VTI1A: variants seen among roughly 807,000 people sequenced by gnomAD.
The protein encoded by VTI1A is vesicle transport through interaction with t-SNAREs 1A.
Under a neutral mutation model 34.9 loss-of-function variants are expected in VTI1A, and 22 were observed. That is an observed-to-expected ratio of 0.63 (90% CI 0.45 to 0.90). VTI1A has a LOEUF of 0.90. Ranked by LOEUF, VTI1A falls within the 40% of genes least tolerant of loss-of-function variation. The probability of loss-of-function intolerance (pLI) is 0.00; values close to 1 mark genes in which losing one functional copy is unlikely to be tolerated. For missense variants in VTI1A, 268 were observed against 275.6 expected (o/e 0.97, Z 0.20); for synonymous variants, 87 against 97.3 (o/e 0.89, Z 0.62).
At chr10:112,531,063 T>A (rs75725194) in intron 4 of VTI1A, among the ~76,000 whole-genome samples, 18,743 of 139,814 alleles carry the variant, frequency 0.13, 1,418 homozygotes, top group East Asian at 0.3. Flanking sequence ...GTGACACACC[T>A]CACACACACA....
intron 7 of VTI1A, among the ~76,000 whole-genome samples, chr10:112,721,472 T>G (rs1849805133): frequency 6.6e-6 from 1 of 152,244 alleles, no homozygotes; most frequent in African/African-American, 2.4e-5. Flanking sequence ...AGCATTTGAC[T>G]TACACTTTTA....
chr10:112,797,827 G>A (rs1431008124), intron 7 of VTI1A, among the ~76,000 whole-genome samples: 3 of 152,196 alleles, frequency 2.0e-5, no homozygotes, highest in Admixed American at 6.5e-5. Context: ...AAGAAGTAAC[G>A]GGGAGGCTAG....
chr10:112,681,269 C>G (rs1848207344), intron 7 of VTI1A, among the ~76,000 whole-genome samples: 1 of 151,898 alleles, frequency 6.6e-6, no homozygotes, highest in Non-Finnish European at 1.5e-5. Flanking sequence ...TTCGTAGAGA[C>G]AGGATCTCCT....
chr10:112,736,111 GTATATATATATATATATA>G (rs372188173), intron 7 of VTI1A, among the ~76,000 whole-genome samples: 1 of 116,224 alleles, frequency 8.6e-6, no homozygotes, highest in Admixed American at 8.7e-5. Flanking sequence ...ATGTGTGTGT[GTATATATATATATATATA>G]TATATATATG....
At chr10:112,476,622 T>C (rs1331089436) in intron 3 of VTI1A, among the ~76,000 whole-genome samples, 2 of 152,178 alleles carry the variant, frequency 1.3e-5, no homozygotes, top group South Asian at 2.1e-4. Context: ...TAAGGCTTAC[T>C]TACGTTCTAG....
In VTI1A at chr10:112,527,133, T is replaced by C. The variant is rs184549091; in HGVS notation, c.311T>C (p.Leu104Pro). 1.2e-4 allele frequency: 188 copies of C among 1,613,428 alleles called. No homozygotes were observed. The East Asian group carries it at 3.7e-3, about 32-fold the overall frequency. The stretch of plus-strand genomic sequence containing the variant: ...AGTGACGAAGTACGGAATGAGCTCC[T>C]GGGGGATGATGGGAATTCCTCAGAG... ...AYSDEVRNELLGDDGNSSENQ... is the reference protein window; with the variant it reads ...AYSDEVRNELPGDDGNSSENQ... The change falls in exon 4 of 8, where the codon CTG becomes CCG. Residue 104 changes from leucine to proline, a missense_variant. Transcript: ENST00000393077.
At chr10:112,752,498 C>T in intron 7 of VTI1A, 3 of 985,430 alleles carry the variant, frequency 3.0e-6, no homozygotes, top group Non-Finnish European at 2.4e-6. Flanking sequence ...AACTTTTTGA[C>T]CTTTGTGCTA....
chr10:112,494,341 GTTTCT>G (rs1215630093), intron 3 of VTI1A, among the ~76,000 whole-genome samples: 2 of 151,800 alleles, frequency 1.3e-5, no homozygotes, highest in Non-Finnish European at 2.9e-5. Flanking sequence ...ACAACTTTTG[GTTTCT>G]TTTATTTTAT....
intron 3 of VTI1A, among the ~76,000 whole-genome samples, chr10:112,470,528 C>T (rs993353427): frequency 7.2e-5 from 11 of 152,182 alleles, no homozygotes; most frequent in African/African-American, 2.7e-4. Flanking sequence ...TGGAGCCTGG[C>T]AGGCAGCAGC....
chr10:112,650,890 G>C (rs1228487061), intron 5 of VTI1A, among the ~76,000 whole-genome samples: 1 of 152,258 alleles, frequency 6.6e-6, no homozygotes, highest in Middle Eastern at 3.4e-3. Flanking sequence ...ATTTTCTCAT[G>C]TTTCTGCTAA....
intron 5 of VTI1A, among the ~76,000 whole-genome samples, chr10:112,652,311 G>A (rs916685645): frequency 1.3e-5 from 2 of 152,178 alleles, no homozygotes; most frequent in African/African-American, 2.4e-5. Context: ...TCAGAAATGA[G>A]TGTCCTTCAC....
intron 3 of VTI1A, among the ~76,000 whole-genome samples, chr10:112,520,370 G>A (rs1037332011): frequency 3.3e-5 from 5 of 151,994 alleles, no homozygotes; most frequent in African/African-American, 1.2e-4. Context: ...AGCAAGTGGG[G>A]CCATGATACT....
chr10:112,531,447 G>C (rs1240264570), intron 4 of VTI1A, among the ~76,000 whole-genome samples: 1 of 142,910 alleles, frequency 7.0e-6, no homozygotes, highest in African/African-American at 2.7e-5. Flanking sequence ...GCCATCTTTT[G>C]TTTACTTGAA....
At chr10:112,680,323 C>T (rs1480487226) in intron 7 of VTI1A, among the ~76,000 whole-genome samples, 1 of 152,102 alleles carries the variant, frequency 6.6e-6, no homozygotes, top group Non-Finnish European at 1.5e-5. Flanking sequence ...AGTTATTCTT[C>T]GTAAGAACTC....
chr10:112,678,219 A>G (rs1848097119), intron 7 of VTI1A, among the ~76,000 whole-genome samples: 1 of 151,942 alleles, frequency 6.6e-6, no homozygotes, highest in Non-Finnish European at 1.5e-5. Flanking sequence ...TCCTTTTATG[A>G]TTTTCCTTTT....
chr10:112,750,302 C>G (rs1769116523), intron 7 of VTI1A, among the ~76,000 whole-genome samples: 1 of 152,188 alleles, frequency 6.6e-6, no homozygotes, highest in African/African-American at 2.4e-5. Flanking sequence ...GATCTCCCCA[C>G]TTCAACCTCC....
At chr10:112,458,256 A>G (rs191563613) in intron 1 of VTI1A, among the ~76,000 whole-genome samples, 1 of 152,310 alleles carries the variant, frequency 6.6e-6, no homozygotes, top group Admixed American at 6.5e-5. Flanking sequence ...GTTCCTCCTG[A>G]TACGTAAATA....
chr10:112,661,858 C>T (rs1847472475), intron 5 of VTI1A, among the ~76,000 whole-genome samples: 1 of 150,720 alleles, frequency 6.6e-6, no homozygotes, highest in South Asian at 2.1e-4. Flanking sequence ...ACCACCACCT[C>T]GCAGGTTCAA....
intron 3 of VTI1A, among the ~76,000 whole-genome samples, chr10:112,522,314 T>C (rs1850054067): frequency 6.6e-6 from 1 of 152,024 alleles, no homozygotes; most frequent in South Asian, 2.1e-4. Context: ...GTAATTTGTT[T>C]TAGACCTATG....
Sources: allele counts gnomAD v4.1 joint callset (sites outside exome capture counted in the v4.1 genomes callset), GRCh38; gene constraint gnomAD v4.1.1; transcripts MANE v1.5; gene names NCBI Gene and HGNC (gene_info 2026-07-23, HGNC 2026-07-21).